CLIC5: variants seen among roughly 807,000 people sequenced by gnomAD.
CLIC5 encodes the protein chloride intracellular channel protein 5.
Under a neutral mutation model 24.7 loss-of-function variants are expected in CLIC5, and 20 were observed. That is an observed-to-expected ratio of 0.81 (90% CI 0.57 to 1.18). The LOEUF is 1.18. Ranked by LOEUF, CLIC5 falls within the 50% of genes most tolerant of loss-of-function variation. The pLI, the probability that CLIC5 is intolerant of heterozygous loss-of-function variation, is 0.00. For synonymous variants in CLIC5, 159 were observed against 135.6 expected (o/e 1.17, Z -1.20); for missense variants, 341 against 326.1 (o/e 1.05, Z -0.35).
At position 45,903,138 on chromosome 6, in the gene CLIC5, C is replaced by G. The variant is rs757089924; in HGVS notation, c.706G>C (p.Glu236Gln). ...EFTNTCAADS[E>Q]IELAYADVAK... Reference sequence around the variant, plus strand: ...ACATCAGCGTAGGCCAACTCGATCTCACTGTCAGCTGCACAGGTGTTGGTG... The same window carrying G: ...ACATCAGCGTAGGCCAACTCGATCTGACTGTCAGCTGCACAGGTGTTGGTG... Residue 236 changes from glutamate (E) to glutamine (Q), a missense_variant, in exon 6 of 6, where the codon GAG becomes CAG. Glu to Gln is a conservative substitution (Grantham distance 29). Transcript: ENST00000339561. 3.1e-6 allele frequency: 5 copies of G among 1,614,100 alleles called. No homozygotes were observed. Among genetic ancestry groups the G allele is most frequent in the Non-Finnish European group, 4.2e-6 (5 of 1,180,036 alleles).
chr6:45,994,905 T>G (rs1224813257), intron 1 of CLIC5, among the ~76,000 whole-genome samples: 2 of 152,238 alleles, frequency 1.3e-5, no homozygotes, highest in Non-Finnish European at 2.9e-5. Flanking sequence ...CTAATATATT[T>G]ATAAATAACA....
intron 4 of CLIC5, among the ~76,000 whole-genome samples, chr6:45,940,251 G>A (rs1384369522): frequency 6.6e-6 from 1 of 152,122 alleles, no homozygotes; most frequent in Non-Finnish European, 1.5e-5. Flanking sequence ...GAATACCTTC[G>A]ACAGAAATTA....
intron 1 of CLIC5, among the ~76,000 whole-genome samples, chr6:45,991,478 G>A (rs1243553103): frequency 6.6e-6 from 1 of 152,210 alleles, no homozygotes; most frequent in African/African-American, 2.4e-5. Flanking sequence ...CACCTTGACT[G>A]TAGCCTGTGA....
intron 1 of CLIC5, among the ~76,000 whole-genome samples, chr6:45,980,549 C>A (rs1486127992): frequency 6.6e-6 from 1 of 151,788 alleles, no homozygotes; most frequent in East Asian, 1.9e-4. Flanking sequence ...AGCACATGTA[C>A]CCCCAAAACA....
intron 2 of CLIC5, among the ~76,000 whole-genome samples, chr6:45,954,061 G>T (rs1262677843): frequency 6.6e-6 from 1 of 151,976 alleles, no homozygotes; most frequent in African/African-American, 2.4e-5. Context: ...GGATCACAAG[G>T]TCAGGAGTTC....
At chr6:46,105,167 C>A in the CLIC5 span, among the ~76,000 whole-genome samples, 1 of 152,034 alleles carries the variant, frequency 6.6e-6, no homozygotes, top group Non-Finnish European at 1.5e-5. Flanking sequence ...ACATTTGTGG[C>A]TAATAAAACT....
intron 1 of CLIC5, among the ~76,000 whole-genome samples, chr6:46,009,584 A>G (rs570484640): frequency 1.8e-4 from 28 of 152,264 alleles, no homozygotes; most frequent in African/African-American, 6.3e-4. Context: ...TCTGGGTAAT[A>G]GTTTTTTAAT....
At chr6:46,108,283 T>C in the CLIC5 span, among the ~76,000 whole-genome samples, 7 of 151,862 alleles carry the variant, frequency 4.6e-5, no homozygotes, top group African/African-American at 1.7e-4. Flanking sequence ...TCATAAGAGA[T>C]AGTAAAACAT....
intron 1 of CLIC5, among the ~76,000 whole-genome samples, chr6:46,031,031 T>C (rs1265731469): frequency 6.6e-6 from 1 of 152,236 alleles, no homozygotes; most frequent in Admixed American, 6.5e-5. Flanking sequence ...TGTTTCCCTG[T>C]ACCTAGCACA....
rs77298879 is a variant in CLIC5, at chr6:46,001,905, A to T, written c.63+13575T>A. ...TGCATAGGAGAGAGATGCTCTGCAA[A>T]TTATATTTATTATAATGCCTTCCCT... On this transcript the variant is annotated intron_variant, in intron 1 of 5. Transcript: ENST00000339561. Among the ~76,000 whole-genome samples the T allele has an allele frequency of 6.0e-4, 91 of 152,270 alleles. No individual in the cohort carries two copies. The East Asian group carries it at 0.016, about 27-fold the overall frequency.
chr6:45,965,153 A>G (rs1281342270), intron 1 of CLIC5, among the ~76,000 whole-genome samples: 1 of 152,218 alleles, frequency 6.6e-6, no homozygotes, highest in Non-Finnish European at 1.5e-5. Context: ...GAAGAACTAC[A>G]GCTATTGTTC....
rs569225331 is a variant in CLIC5 at position 46,059,273 on chromosome 6, T to C, written c.540+20430A>G. ...ACAAGGGTGTAGCCTGTCTTAGCAC[T>C]GTCAAGACCAAGGCCACATTGCATA... On this transcript the variant is annotated intron_variant, in intron 1 of 5. Coordinates refer to the CLIC5 transcript ENST00000185206. Among the ~76,000 whole-genome samples the C allele has an allele frequency of 2.0e-5, 3 of 152,368 alleles. No individual in the cohort carries two copies. The East Asian group carries it at 5.8e-4, about 29-fold the overall frequency.
intron 4 of CLIC5, among the ~76,000 whole-genome samples, chr6:45,940,913 G>C (rs112455516): frequency 6.6e-6 from 1 of 152,188 alleles, no homozygotes; most frequent in Non-Finnish European, 1.5e-5. Context: ...GAGCATAACT[G>C]GGGGGGACTC....
In CLIC5 at chr6:45,913,412, A is replaced by G. The variant is rs563973507; in HGVS notation, c.588+816T>C. On this transcript the variant is annotated intron_variant, in intron 5 of 5. Transcript: ENST00000339561. ...CTGTTCTCTGTTACTCTAGAGAAAA[A>G]ATGGATAGCAGGGAGGCATGCTTGG... Among the ~76,000 whole-genome samples, 3 of 152,282 alleles carry G rather than the reference A, an allele frequency of 2.0e-5. No homozygotes were observed. In the South Asian group the frequency reaches 6.2e-4, roughly 32 times the overall value.
At chr6:46,081,462 T>C (rs1215600676), upstream of CLIC5, among the ~76,000 whole-genome samples, 1 of 152,162 alleles carries the variant, frequency 6.6e-6, no homozygotes, top group East Asian at 1.9e-4. Context: ...CAATATTGTA[T>C]CCAGGAATCT....
At chr6:46,002,523 A>G (rs1360414108) in intron 1 of CLIC5, among the ~76,000 whole-genome samples, 1 of 151,824 alleles carries the variant, frequency 6.6e-6, no homozygotes, top group African/African-American at 2.4e-5. Flanking sequence ...GGCATGCAAT[A>G]CTCCTGGTCT....
chr6:45,965,688 A>C (rs1261983454), intron 1 of CLIC5, among the ~76,000 whole-genome samples: 1 of 152,216 alleles, frequency 6.6e-6, no homozygotes. Context: ...TTTGAAGAAG[A>C]GGTCTCCTCA....
chr6:46,066,166 A>C (rs1455685170), intron 1 of CLIC5, among the ~76,000 whole-genome samples: 3 of 152,196 alleles, frequency 2.0e-5, no homozygotes, highest in Non-Finnish European at 4.4e-5. Context: ...TGTACTTTTC[A>C]AACTTAGAAC....
At chr6:46,111,934 T>C in the CLIC5 span, among the ~76,000 whole-genome samples, 1 of 152,100 alleles carries the variant, frequency 6.6e-6, no homozygotes, top group Non-Finnish European at 1.5e-5. Flanking sequence ...CTATGTAAGA[T>C]ATAAACTTTC....
Sources: gnomAD v4.1 joint callset for allele counts (sites outside exome capture counted in the v4.1 genomes callset) on GRCh38, gnomAD v4.1.1 for gene constraint, MANE v1.5 for transcripts, NCBI Gene and HGNC (gene_info 2026-07-23, HGNC 2026-07-21) for gene names.